The following ERCC6L2 variants were observed in gnomAD, a reference collection of about 807,000 sequenced individuals.
ERCC6L2 encodes the protein ERCC excision repair 6 like 2.
A neutral mutation model predicts 132.0 loss-of-function variants in ERCC6L2; 77 were observed. The observed-to-expected ratio is 0.58, with a 90% CI of 0.49 to 0.71. ERCC6L2 has a LOEUF of 0.71. Ranked by LOEUF, ERCC6L2 falls within the 30% of genes least tolerant of loss-of-function variation. ERCC6L2 has a pLI of 0.00. For missense variants in ERCC6L2, 1,542 were observed against 1,837.6 expected (o/e 0.84, Z 2.94); for synonymous variants, 583 against 632.4 (o/e 0.92, Z 1.17).
At chr9:95,900,458 T>A (rs1828715403) in intron 3 of ERCC6L2, among the ~76,000 whole-genome samples, 1 of 152,208 alleles carries the variant, frequency 6.6e-6, no homozygotes. Context: ...GTTTTTTCGT[T>A]AGTCTTTTCT....
At chr9:95,931,214 G>A (rs556526020) in intron 11 of ERCC6L2, among the ~76,000 whole-genome samples, 1 of 151,770 alleles carries the variant, frequency 6.6e-6, no homozygotes, top group Non-Finnish European at 1.5e-5. Context: ...TGACTTTTTC[G>A]GTCTTTTCCC....
chr9:95,903,730 G>A (rs1236907508), intron 3 of ERCC6L2, among the ~76,000 whole-genome samples: 1 of 152,002 alleles, frequency 6.6e-6, no homozygotes, highest in Admixed American at 6.6e-5. Flanking sequence ...AGAGGACAGT[G>A]ACAGTAGAGT....
chr9:95,876,706 T>C (rs570260394), intron 1 of ERCC6L2: 2 of 152,332 alleles, frequency 1.3e-5, no homozygotes, highest in East Asian at 1.9e-4. Flanking sequence ...CTACCAGGTA[T>C]TGAGTGATTT....
intron 4 of ERCC6L2, among the ~76,000 whole-genome samples, chr9:95,912,966 C>T (rs1251497663): frequency 6.6e-6 from 1 of 152,170 alleles, no homozygotes; most frequent in Non-Finnish European, 1.5e-5. Context: ...TATTGCATCA[C>T]TTCAGGAAGT....
At chr9:95,944,940 A>G (rs1052524393) in intron 12 of ERCC6L2, among the ~76,000 whole-genome samples, 1 of 152,196 alleles carries the variant, frequency 6.6e-6, no homozygotes, top group Non-Finnish European at 1.5e-5. Context: ...GCGAGATCAC[A>G]GGACCACAGG....
intron 11 of ERCC6L2, among the ~76,000 whole-genome samples, chr9:95,933,687 A>G (rs1011674945): frequency 7.2e-5 from 11 of 152,174 alleles, no homozygotes; most frequent in Middle Eastern, 3.4e-3. Context: ...TCTACTAAAA[A>G]TACAGAATTA....
At chr9:95,954,599 T>G in intron 12 of ERCC6L2, 1 of 355,056 alleles carries the variant, frequency 2.8e-6, no homozygotes, top group Non-Finnish European at 5.7e-6. Flanking sequence ...CAGTAACAAG[T>G]GTCTAAAATT....
At chr9:95,953,666 G>A (rs1005194072) in intron 12 of ERCC6L2, among the ~76,000 whole-genome samples, 2 of 150,272 alleles carry the variant, frequency 1.3e-5, no homozygotes, top group African/African-American at 4.9e-5. Flanking sequence ...AAAAAAGAAA[G>A]GCCAAAAGTA....
At chr9:95,977,267 C>T (rs770044440) in intron 16 of ERCC6L2, among the ~76,000 whole-genome samples, 1 of 152,096 alleles carries the variant, frequency 6.6e-6, no homozygotes, top group African/African-American at 2.4e-5. Flanking sequence ...TAGTTACTGT[C>T]TCATCATATT....
chr9:96,023,876 G>A (rs1271631493), intron 19 of ERCC6L2, among the ~76,000 whole-genome samples: 4 of 152,206 alleles, frequency 2.6e-5, no homozygotes, highest in South Asian at 2.1e-4. Context: ...ACCGAGGATT[G>A]CAGTAACCAG....
intron 19 of ERCC6L2, among the ~76,000 whole-genome samples, chr9:96,030,014 A>G (rs1834433060): frequency 6.6e-6 from 1 of 152,182 alleles, no homozygotes; most frequent in South Asian, 2.1e-4. Context: ...TCCCAGTGAG[A>G]GGTGAAGCCA....
chr9:95,921,243 G>T lies in ERCC6L2; in HGVS notation c.1227G>T (p.Val409=). Residue 409 remains valine, a synonymous_variant, in exon 7 of 19, where the codon GTG becomes GTT. Transcript: ENST00000653738. ...VYQTVLETED[V]TLILQSSEPC... ...AAACAGTGTTAGAAACAGAGGACGT[G>T]ACTTTGATACTTCAATCTTCTGAGC... 1 of 1,613,554 alleles carries T rather than the reference G, an allele frequency of 6.2e-7. No individual in the cohort carries two copies. Among genetic ancestry groups the T allele is most frequent in the South Asian group, 1.1e-5 (1 of 91,046 alleles).
intron 9 of ERCC6L2, among the ~76,000 whole-genome samples, chr9:95,924,859 G>A (rs1417781880): frequency 6.6e-6 from 1 of 152,090 alleles, no homozygotes; most frequent in Non-Finnish European, 1.5e-5. Flanking sequence ...AATGATGCAG[G>A]TAATTTACTT....
chr9:95,975,444 C>T (rs1832624427), intron 16 of ERCC6L2, among the ~76,000 whole-genome samples: 1 of 146,400 alleles, frequency 6.8e-6, no homozygotes, highest in Non-Finnish European at 1.5e-5. Flanking sequence ...TTGTTTTCTT[C>T]TGGCATAAAG....
intron 2 of ERCC6L2, among the ~76,000 whole-genome samples, chr9:95,892,267 T>G (rs986146185): frequency 5.3e-5 from 8 of 152,118 alleles, no homozygotes. Flanking sequence ...CTGTAACTTA[T>G]TTTACCATTC....
chr9:95,944,294 T>G (rs1216402607), intron 12 of ERCC6L2, among the ~76,000 whole-genome samples: 1 of 152,228 alleles, frequency 6.6e-6, no homozygotes, highest in South Asian at 2.1e-4. Flanking sequence ...TATTGTATGA[T>G]TCTACTTATA....
chr9:95,947,880 G>GA (rs150587916), intron 12 of ERCC6L2, among the ~76,000 whole-genome samples: 2,931 of 151,190 alleles, frequency 0.019, 100 homozygotes, highest in African/African-American at 0.067. Flanking sequence ...CTACTGCTCA[G>GA]AAAAAAAAAG....
At chr9:95,891,801 T>A (rs1429959452) in intron 2 of ERCC6L2, among the ~76,000 whole-genome samples, 1 of 152,230 alleles carries the variant, frequency 6.6e-6, no homozygotes, top group Admixed American at 6.5e-5. Flanking sequence ...TGGCCAATGA[T>A]GTTGAACATA....
chr9:95,972,499 C>T lies in ERCC6L2; in HGVS notation c.2748C>T (p.Asp916=), dbSNP rs759218828. 1.6e-6 allele frequency: 2 copies of T among 1,289,610 alleles called. No homozygotes were observed. Among genetic ancestry groups the T allele is most frequent in the African/African-American group, 3.0e-5 (2 of 65,786 alleles). The allele number at this position is 1,289,610 out of a possible 1,614,324, so 79.9% of individuals were successfully genotyped here. ...PTQYTTERFP[D]NSIRFKPPLE... ...AATACACAACTGAGAGATTCCCCGA[C>T]AATAGTATAAGGTTTAAGCCACCCT... Residue 916 remains aspartate, a synonymous_variant, in exon 16 of 19, where the codon GAC becomes GAT. Transcript: ENST00000653738.
Sources: allele counts gnomAD v4.1 joint callset (sites outside exome capture counted in the v4.1 genomes callset), GRCh38; gene constraint gnomAD v4.1.1; transcripts MANE v1.5; gene names NCBI Gene and HGNC (gene_info 2026-07-23, HGNC 2026-07-21).